The following HERPUD2 variants were observed in gnomAD, a reference collection of about 807,000 sequenced individuals.
HERPUD2 encodes the protein HERPUD family member 2, also known as homocysteine-responsive endoplasmic reticulum-resident ubiquitin-like domain member 2 protein.
Under a neutral mutation model 49.9 loss-of-function variants are expected in HERPUD2, and 13 were observed. The observed-to-expected ratio is 0.26, with a 90% confidence interval of 0.17 to 0.41. The LOEUF is 0.41. Ranked by LOEUF, HERPUD2 falls within the 10% of genes least tolerant of loss-of-function variation. The pLI, the probability that HERPUD2 is intolerant of heterozygous loss-of-function variation, is 1.00. For synonymous variants in HERPUD2, 172 were observed against 171.4 expected, an observed-to-expected ratio of 1.00 and a Z score of -0.03; for missense variants, 449 against 492.2, an observed-to-expected ratio of 0.91 and a Z score of 0.83.
rs1784826806 is a variant in HERPUD2, at chr7:35,633,785, T to C, written c.1126A>G (p.Ile376Val). The change falls in exon 9 of 9, where the codon ATT becomes GTT. Residue 376 changes from isoleucine to valine, a missense_variant. Transcript: ENST00000311350. ...GAAGCCATTAATCCAGGCCTTTGAA[T>C]TGCACTGGCATCTTCACCTCCATCT... The part of the protein sequence containing the change: ...GEDGGEDASA[I>V]QRPGLMASAW... 3 of 1,612,672 alleles carry C rather than the reference T, an allele frequency of 1.9e-6. No homozygotes were observed. The highest frequency in any genetic ancestry group is 2.5e-6 in the Non-Finnish European group (3 of 1,178,824).
chr7:35,668,335 A>T (rs532511129), intron 4 of HERPUD2, among the ~76,000 whole-genome samples: 8 of 152,174 alleles, frequency 5.3e-5, no homozygotes, highest in Non-Finnish European at 1.2e-4. Flanking sequence ...AAATCTTTTT[A>T]TTCTCGTGCT....
In HERPUD2 at chr7:35,687,212, T is replaced by C. The variant is rs571582594; in HGVS notation, c.147+6972A>G. ...GCATGGTACCCTTCTAATATAAGAA[T>C]TCAGAAGACTCAGGGTTCACAAATC... On this transcript the variant is annotated intron_variant, in intron 2 of 8. Transcript: ENST00000311350. Among the ~76,000 whole-genome samples the C allele has an allele frequency of 1.4e-3, 209 of 152,320 alleles. 2 individuals carry two copies. The highest frequency in any genetic ancestry group is 6.8e-3 in the Middle Eastern group (2 of 294).
At chr7:35,661,842 A>C (rs907570176) in intron 5 of HERPUD2, among the ~76,000 whole-genome samples, 2 of 152,094 alleles carry the variant, frequency 1.3e-5, no homozygotes, top group African/African-American at 4.8e-5. Context: ...TGACTTCCTC[A>C]TTTCCTAATT....
At position 35,635,293 on chromosome 7, in the gene HERPUD2, T is replaced by G; in HGVS notation, c.783A>C (p.Ala261=). The change falls in exon 7 of 9, where the codon GCA becomes GCC. Residue 261 remains alanine, a synonymous_variant. Coordinates refer to ENST00000311350, the MANE Select transcript of HERPUD2 (RefSeq NM_022373.5). ...RPMNENVQMN[A]QGGPVLNEED... is the part of the protein sequence containing the mutation. ...CTTCATTTAGTACTGGACCTCCCTG[T>G]GCATTCATTTGAACATTCTCATTCA... 1 of 1,614,170 alleles carries G rather than the reference T, an allele frequency of 6.2e-7. No individual in the cohort carries two copies. Among genetic ancestry groups the G allele is most frequent in the Non-Finnish European group, 8.5e-7 (1 of 1,180,028 alleles).
intron 2 of HERPUD2, among the ~76,000 whole-genome samples, chr7:35,681,797 G>A (rs375713505): frequency 4.0e-5 from 6 of 151,736 alleles, no homozygotes; most frequent in East Asian, 1.9e-4. Flanking sequence ...GAAACAGAAA[G>A]TAGAAAAAAA....
chr7:35,687,761 C>G (rs2116046854), intron 2 of HERPUD2, among the ~76,000 whole-genome samples: 1 of 152,286 alleles, frequency 6.6e-6, no homozygotes, highest in East Asian at 1.9e-4. Context: ...GATCAAATAT[C>G]ATACATCCTT....
chr7:35,694,573 G>A lies in HERPUD2; in HGVS notation c.-243C>T, dbSNP rs1261852297. ...GCCGTGGAGGCAGCTCTCCCCGCCA[G>A]GTCCGGGCTCCGCCGGGCTCCGGAC... On this transcript the variant is annotated 5_prime_UTR_variant, in exon 2 of 9. Transcript: ENST00000311350. 5.5e-6 allele frequency: 3 copies of A among 541,546 alleles called. No homozygotes were observed. Among genetic ancestry groups the A allele is most frequent in the African/African-American group, 1.9e-5 (1 of 52,888 alleles). The allele number at this position is 541,546 out of a possible 1,614,324, so 33.5% of individuals were successfully genotyped here.
At chr7:35,650,644 T>C (rs904511900) in intron 5 of HERPUD2, among the ~76,000 whole-genome samples, 13 of 152,112 alleles carry the variant, frequency 8.5e-5, no homozygotes, top group Non-Finnish European at 1.3e-4. Flanking sequence ...GTGCAAGACA[T>C]TGTCAGCAAC....
intron 2 of HERPUD2, among the ~76,000 whole-genome samples, chr7:35,680,248 T>A (rs544424236): frequency 4.0e-5 from 6 of 151,770 alleles, no homozygotes; most frequent in Middle Eastern, 6.8e-3. Context: ...CTCCTCAAAA[T>A]TTTTTTTAAA....
At chr7:35,665,262 C>T (rs1583556506) in intron 5 of HERPUD2, among the ~76,000 whole-genome samples, 1 of 152,206 alleles carries the variant, frequency 6.6e-6, no homozygotes, top group East Asian at 1.9e-4. Context: ...GAGGTGGGCT[C>T]CACCCAGTTC....
chr7:35,651,264 G>C (rs1583546017), intron 5 of HERPUD2, among the ~76,000 whole-genome samples: 1 of 151,938 alleles, frequency 6.6e-6, no homozygotes, highest in Admixed American at 6.6e-5. Flanking sequence ...AAGCTGACTG[G>C]AGGCCCCCCA....
rs536907883 is a variant in HERPUD2, at chr7:35,636,958, C to A, written c.617+1392G>T. ...GATCAGCCTGGCCAATGTGGCAAAA[C>A]CCCTGTCTGTACTAAAAATACAAAA... On this transcript the variant is annotated intron_variant, in intron 6 of 8. Coordinates refer to ENST00000311350, the MANE Select transcript of HERPUD2 (RefSeq NM_022373.5). Among the ~76,000 whole-genome samples the A allele has an allele frequency of 2.0e-5, 3 of 152,084 alleles. No individual in the cohort carries two copies. In the South Asian group the frequency reaches 6.2e-4, roughly 32 times the overall value.
chr7:35,642,054 C>T (rs768191512), intron 5 of HERPUD2, among the ~76,000 whole-genome samples: 71 of 152,270 alleles, frequency 4.7e-4, no homozygotes, highest in Non-Finnish European at 7.9e-4. Context: ...AAAATATTTG[C>T]AAACTATACA....
At chr7:35,688,770 G>A (rs1786118483) in intron 2 of HERPUD2, among the ~76,000 whole-genome samples, 1 of 151,886 alleles carries the variant, frequency 6.6e-6, no homozygotes, top group African/African-American at 2.4e-5. Context: ...GTCCCTAAAT[G>A]CCTTTCTTCA....
chr7:35,646,095 G>C (rs1395140439), intron 5 of HERPUD2, among the ~76,000 whole-genome samples: 1 of 151,956 alleles, frequency 6.6e-6, no homozygotes, highest in African/African-American at 2.4e-5. Context: ...AATATGTTTT[G>C]AACAACTTCA....
chr7:35,655,000 A>G (rs550358392), intron 5 of HERPUD2, among the ~76,000 whole-genome samples: 3 of 152,120 alleles, frequency 2.0e-5, no homozygotes, highest in Non-Finnish European at 4.4e-5. Flanking sequence ...GATTATAGGC[A>G]TGCACCACGA....
At chr7:35,655,890 G>A (rs979472657) in intron 5 of HERPUD2, among the ~76,000 whole-genome samples, 2 of 152,230 alleles carry the variant, frequency 1.3e-5, no homozygotes, top group African/African-American at 4.8e-5. Context: ...GCCGAGTGTG[G>A]TGGCTCACGC....
At chr7:35,658,216 T>C (rs1449002748) in intron 5 of HERPUD2, among the ~76,000 whole-genome samples, 1 of 152,160 alleles carries the variant, frequency 6.6e-6, no homozygotes, top group Non-Finnish European at 1.5e-5. Context: ...TTATGTGAAA[T>C]AAGCCAGGCC....
At chr7:35,660,016 A>G (rs1413735067) in intron 5 of HERPUD2, among the ~76,000 whole-genome samples, 1 of 151,962 alleles carries the variant, frequency 6.6e-6, no homozygotes, top group Admixed American at 6.6e-5. Context: ...CTCCTAAGCT[A>G]TCCCTCCCCA....
Sources: allele counts gnomAD v4.1 joint callset (sites outside exome capture counted in the v4.1 genomes callset), GRCh38; gene constraint gnomAD v4.1.1; transcripts MANE v1.5; gene names NCBI Gene and HGNC (gene_info 2026-07-23, HGNC 2026-07-21).